The following EBF1 variants were observed in gnomAD, a reference collection of about 807,000 sequenced individuals.
EBF1 encodes EBF transcription factor 1, also known as transcription factor COE1.
A neutral mutation model predicts 68.4 loss-of-function variants in EBF1; 10 were observed. The observed-to-expected ratio is 0.15, with a 90% CI of 0.09 to 0.25. EBF1 has a LOEUF of 0.25. EBF1 is among the 10% of genes least tolerant of loss of function. EBF1 has a pLI of 1.00. For missense variants in EBF1, 509 were observed against 794.4 expected (o/e 0.64, Z 4.32); for synonymous variants, 298 against 299.8 (o/e 0.99, Z 0.06).
chr5:158,975,016 G>T (rs1438555615), intron 6 of EBF1, among the ~76,000 whole-genome samples: 1 of 152,128 alleles, frequency 6.6e-6, no homozygotes, highest in Non-Finnish European at 1.5e-5. Flanking sequence ...CTTGACTAAT[G>T]GGTACTGTCT....
At chr5:158,880,677 G>A (rs1437826740) in intron 6 of EBF1, among the ~76,000 whole-genome samples, 1 of 152,202 alleles carries the variant, frequency 6.6e-6, no homozygotes, top group Non-Finnish European at 1.5e-5. Flanking sequence ...GGCAGCTGAA[G>A]CAAATCGCTT....
At chr5:158,904,238 C>A (rs1402325483) in intron 6 of EBF1, among the ~76,000 whole-genome samples, 1 of 152,204 alleles carries the variant, frequency 6.6e-6, no homozygotes, top group Non-Finnish European at 1.5e-5. Flanking sequence ...AGTACCTACT[C>A]ACAGTGCCTG....
At chr5:158,885,966 T>A (rs1799956382) in intron 6 of EBF1, among the ~76,000 whole-genome samples, 2 of 152,130 alleles carry the variant, frequency 1.3e-5, no homozygotes, top group African/African-American at 4.8e-5. Flanking sequence ...TTCCCCCAAG[T>A]CTCACTCCAA....
intron 6 of EBF1, among the ~76,000 whole-genome samples, chr5:159,001,266 A>AT (rs201659509): frequency 0.013 from 1,915 of 152,040 alleles, 50 homozygotes; most frequent in African/African-American, 0.043. Flanking sequence ...TAAGAAAGAA[A>AT]TTTTTTTTAA....
intron 6 of EBF1, among the ~76,000 whole-genome samples, chr5:158,895,648 C>T (rs1414456887): frequency 6.6e-6 from 1 of 152,198 alleles, no homozygotes; most frequent in Non-Finnish European, 1.5e-5. Context: ...AAACCAAATA[C>T]TTCCTGAGAG....
intron 6 of EBF1, among the ~76,000 whole-genome samples, chr5:158,868,516 A>AT (rs1338636767): frequency 6.6e-6 from 1 of 152,148 alleles, no homozygotes; most frequent in Non-Finnish European, 1.5e-5. Flanking sequence ...AAGGACTAAC[A>AT]CCCTTCACGT....
At chr5:158,924,290 G>C (rs779266668) in intron 6 of EBF1, among the ~76,000 whole-genome samples, 2 of 152,208 alleles carry the variant, frequency 1.3e-5, no homozygotes, top group South Asian at 2.1e-4. Flanking sequence ...ATGCTGCAGA[G>C]TGGAAGGAGG....
At chr5:158,723,571 C>A (rs950922913) in intron 11 of EBF1, among the ~76,000 whole-genome samples, 7 of 151,996 alleles carry the variant, frequency 4.6e-5, no homozygotes, top group Admixed American at 4.6e-4. Flanking sequence ...ATGTGTATTG[C>A]GTGCCTTGAG....
At chr5:158,890,429 T>G (rs577505175) in intron 6 of EBF1, among the ~76,000 whole-genome samples, 1 of 152,326 alleles carries the variant, frequency 6.6e-6, no homozygotes, top group East Asian at 1.9e-4. Context: ...CTCAGAACCA[T>G]GCAAACTTCT....
chr5:158,725,147 T>C (rs929786443), intron 11 of EBF1, among the ~76,000 whole-genome samples: 1 of 152,224 alleles, frequency 6.6e-6, no homozygotes, highest in Non-Finnish European at 1.5e-5. Flanking sequence ...GAGGATTTGC[T>C]ACCTCTGTAT....
At chr5:158,863,544 A>C (rs1795328319) in intron 6 of EBF1, among the ~76,000 whole-genome samples, 1 of 152,200 alleles carries the variant, frequency 6.6e-6, no homozygotes, top group Non-Finnish European at 1.5e-5. Context: ...CGATTAAGAA[A>C]TAATTGAGAA....
At chr5:158,864,249 A>T (rs1190584081) in intron 6 of EBF1, among the ~76,000 whole-genome samples, 2 of 146,766 alleles carry the variant, frequency 1.4e-5, no homozygotes, top group African/African-American at 2.6e-5. Context: ...AAAAAAAAAA[A>T]TCTAACTCAG....
At chr5:158,889,574 C>A (rs957178334) in intron 6 of EBF1, among the ~76,000 whole-genome samples, 4 of 152,178 alleles carry the variant, frequency 2.6e-5, no homozygotes, top group Admixed American at 2.6e-4. Flanking sequence ...GAATGGGATT[C>A]TAGCCTCTGT....
chr5:159,090,662 A>G (rs1043787450), intron 4 of EBF1, among the ~76,000 whole-genome samples: 2 of 152,152 alleles, frequency 1.3e-5, no homozygotes, highest in African/African-American at 4.8e-5. Context: ...CCCTTATATT[A>G]TTCAAACACC....
At chr5:158,763,960 C>T (rs1220634995) in intron 10 of EBF1, among the ~76,000 whole-genome samples, 1 of 152,174 alleles carries the variant, frequency 6.6e-6, no homozygotes, top group Non-Finnish European at 1.5e-5. Flanking sequence ...CTCAAAATTA[C>T]AGGCAACTGT....
intron 6 of EBF1, among the ~76,000 whole-genome samples, chr5:158,948,052 G>A (rs889038065): frequency 3.9e-5 from 6 of 152,230 alleles, no homozygotes; most frequent in African/African-American, 4.8e-5. Flanking sequence ...GAGGGTGAGT[G>A]TGCTTCCTAA....
At chr5:158,861,243 T>C (rs1378588078) in intron 6 of EBF1, among the ~76,000 whole-genome samples, 1 of 152,226 alleles carries the variant, frequency 6.6e-6, no homozygotes, top group African/African-American at 2.4e-5. Context: ...ACATTATTAA[T>C]GGCGTCTATC....
chr5:158,879,309 T>C (rs1308585302), intron 6 of EBF1, among the ~76,000 whole-genome samples: 2 of 152,172 alleles, frequency 1.3e-5, no homozygotes, highest in East Asian at 3.9e-4. Flanking sequence ...TACACAGTGT[T>C]TGCAAGCACA....
chr5:158,699,066 C>T lies in EBF1; in HGVS notation c.*45G>A. 6.4e-7 allele frequency: 1 copy of T among 1,569,010 alleles called. No homozygotes were observed. The highest frequency in any genetic ancestry group is 1.4e-5 in the African/African-American group (1 of 72,816). The stretch of plus-strand genomic sequence containing the variant: ...ACTTGTATCAGATTACTCTCTGTAG[C>T]AGAATCCAACCTCTTCATTAATACA... On this transcript the variant is annotated 3_prime_UTR_variant, in exon 16 of 16. Coordinates refer to ENST00000313708, the MANE Select transcript of EBF1 (RefSeq NM_024007.5).
Sources: gnomAD v4.1 joint callset for allele counts (sites outside exome capture counted in the v4.1 genomes callset) on GRCh38, gnomAD v4.1.1 for gene constraint, MANE v1.5 for transcripts, NCBI Gene and HGNC (gene_info 2026-07-23, HGNC 2026-07-21) for gene names.